The following OCA2 variants were observed in gnomAD, a reference collection of about 807,000 sequenced individuals.
OCA2 encodes the protein P protein.
In OCA2, 77 loss-of-function variants were observed where a neutral mutation model predicts 100.2. The ratio of observed to expected loss-of-function variants is 0.77; its 90% confidence interval spans 0.64 to 0.93. The LOEUF is 0.93. Among genes scored for constraint, OCA2 ranks in the 40% least tolerant of loss-of-function variants. OCA2 has a pLI of 0.00. For missense variants in OCA2, 1,062 were observed against 1,089.1 expected, an observed-to-expected ratio of 0.98 and a Z score of 0.35; for synonymous variants, 432 against 439.2, an observed-to-expected ratio of 0.98 and a Z score of 0.21.
At chr15:27,846,395 C>T (rs2035538384) in intron 22 of OCA2, among the ~76,000 whole-genome samples, 1 of 152,124 alleles carries the variant, frequency 6.6e-6, no homozygotes, top group Non-Finnish European at 1.5e-5. Flanking sequence ...CACCTGGGTA[C>T]CAGGACAGCA....
chr15:27,862,132 G>A (rs975705688), intron 21 of OCA2, among the ~76,000 whole-genome samples: 1 of 152,200 alleles, frequency 6.6e-6, no homozygotes, highest in African/African-American at 2.4e-5. Context: ...GTGATCGTCA[G>A]CCTCAAGTCC....
chr15:27,735,731 AC>A, the OCA2 span, among the ~76,000 whole-genome samples: 36 of 151,298 alleles, frequency 2.4e-4, no homozygotes, highest in African/African-American at 8.6e-4. Context: ...AAGGAAAAAA[AC>A]AAAACAAAAA....
At chr15:27,813,343 G>T (rs1460532499) in intron 23 of OCA2, among the ~76,000 whole-genome samples, 2 of 152,100 alleles carry the variant, frequency 1.3e-5, no homozygotes, top group African/African-American at 2.4e-5. Flanking sequence ...AGCAGGAGGG[G>T]CTGACCCACT....
intron 19 of OCA2, among the ~76,000 whole-genome samples, chr15:27,898,394 A>G (rs2037796166): frequency 6.6e-6 from 1 of 152,180 alleles, no homozygotes; most frequent in Non-Finnish European, 1.5e-5. Context: ...TGTTCTCGTG[A>G]TAGTGAATGA....
chr15:27,747,033 C>A, the OCA2 span, among the ~76,000 whole-genome samples: 2 of 152,310 alleles, frequency 1.3e-5, no homozygotes, highest in South Asian at 4.1e-4. Context: ...ACTTATCACT[C>A]CTAAATGTAT....
intron 9 of OCA2, among the ~76,000 whole-genome samples, chr15:28,001,520 G>A (rs2041924718): frequency 6.6e-6 from 1 of 152,166 alleles, no homozygotes; most frequent in Non-Finnish European, 1.5e-5. Context: ...TCAGGGAAGG[G>A]TTTGGATTTA....
intron 14 of OCA2, among the ~76,000 whole-genome samples, chr15:27,973,727 A>G (rs2040877747): frequency 6.6e-6 from 1 of 152,158 alleles, no homozygotes; most frequent in African/African-American, 2.4e-5. Context: ...GAAAAATGAT[A>G]TTGGCATTTT....
intron 19 of OCA2, among the ~76,000 whole-genome samples, chr15:27,888,412 C>A (rs764673464): frequency 6.6e-6 from 1 of 152,130 alleles, no homozygotes; most frequent in Non-Finnish European, 1.5e-5. Context: ...CCTGTCATAT[C>A]AGAAACTGAG....
At chr15:27,896,059 T>C in intron 19 of OCA2, 1 of 1,190,658 alleles carries the variant, frequency 8.4e-7, no homozygotes, top group South Asian at 1.2e-5. Context: ...GAAGGCCAAG[T>C]GGAGGTGACT....
rs1334083207 is a variant in OCA2, at chr15:27,940,901, T to C, written c.1951+10883A>G. ...CTCTCATAATTTATTTAAATTCTTC[T>C]TCAGATTATTAATGTTGAGGAATTT... is the stretch of plus-strand genomic sequence containing the variant. On this transcript the variant is annotated intron_variant, in intron 18 of 23. Transcript: ENST00000354638. Among the ~76,000 whole-genome samples the C allele has an allele frequency of 2.0e-5, 3 of 152,238 alleles. No homozygotes were observed. In the East Asian group the frequency reaches 5.8e-4, roughly 29 times the overall value.
chr15:28,073,196 C>A (rs4778234), intron 2 of OCA2, among the ~76,000 whole-genome samples: 1 of 152,036 alleles, frequency 6.6e-6, no homozygotes, highest in African/African-American at 2.4e-5. Flanking sequence ...GGCGGATCAC[C>A]TGAGGTCAGG....
At chr15:28,010,164 TA>T (rs908154488) in intron 9 of OCA2, among the ~76,000 whole-genome samples, 8 of 150,622 alleles carry the variant, frequency 5.3e-5, no homozygotes, top group African/African-American at 1.5e-4. Context: ...TTATGGTTTT[TA>T]AAAAAAAAGA....
At chr15:27,789,697 A>G (rs886592075) in intron 23 of OCA2, among the ~76,000 whole-genome samples, 1 of 152,190 alleles carries the variant, frequency 6.6e-6, no homozygotes, top group Non-Finnish European at 1.5e-5. Flanking sequence ...TCTGATTTTT[A>G]TTTGATTTTT....
At position 27,907,803 on chromosome 15, in the gene OCA2, C is replaced by T. The variant is rs562547548; in HGVS notation, c.2079+18324G>A. Among the ~76,000 whole-genome samples the T allele has an allele frequency of 2.1e-4, 32 of 151,986 alleles. 1 individual carries two copies. The highest frequency in any genetic ancestry group is 1.6e-3 in the Admixed American group (24 of 15,276). ...AGAAATACAGATTGCCAATATTGAC[C>T]CCATCTGATTTAGAAAGCTTAAACA... On this transcript the variant is annotated intron_variant, in intron 19 of 23. Coordinates refer to ENST00000354638, the MANE Select transcript of OCA2 (RefSeq NM_000275.3).
chr15:28,009,528 A>G (rs2042179588), intron 9 of OCA2, among the ~76,000 whole-genome samples: 1 of 152,182 alleles, frequency 6.6e-6, no homozygotes, highest in Non-Finnish European at 1.5e-5. Context: ...TCTCTACTAA[A>G]AACACAAAAA....
chr15:28,058,160 C>T (rs1595890405), intron 2 of OCA2, among the ~76,000 whole-genome samples: 1 of 152,326 alleles, frequency 6.6e-6, no homozygotes. Context: ...AAATGAGAGA[C>T]TTTGGGGAAA....
chr15:27,890,253 G>T (rs993619737), intron 19 of OCA2, among the ~76,000 whole-genome samples: 1 of 152,058 alleles, frequency 6.6e-6, no homozygotes, highest in Non-Finnish European at 1.5e-5. Context: ...AGTACTAGAA[G>T]GATAAAAGAA....
intron 18 of OCA2, among the ~76,000 whole-genome samples, chr15:27,936,930 A>G (rs2039474950): frequency 6.6e-6 from 1 of 152,192 alleles, no homozygotes; most frequent in South Asian, 2.1e-4. Context: ...AGATTATTCT[A>G]TTTCTGAGCA....
chr15:28,031,199 A>G (rs889430340), intron 3 of OCA2, among the ~76,000 whole-genome samples: 5 of 152,210 alleles, frequency 3.3e-5, no homozygotes, highest in African/African-American at 1.2e-4. Flanking sequence ...GGATAAGAAT[A>G]AGACCTTAAC....
Sources: allele counts gnomAD v4.1 joint callset (sites outside exome capture counted in the v4.1 genomes callset), GRCh38; gene constraint gnomAD v4.1.1; transcripts MANE v1.5; gene names NCBI Gene and HGNC (gene_info 2026-07-23, HGNC 2026-07-21).